The following ZIK1 variants were observed in gnomAD, a reference collection of about 807,000 sequenced individuals.
ZIK1 encodes zinc finger protein interacting with ribonucleoprotein K.
Under a neutral mutation model 10.7 loss-of-function variants are expected in ZIK1, and 12 were observed. The observed-to-expected ratio is 1.12, with a 90% confidence interval of 0.72 to 1.81. The LOEUF is 1.81. Among genes scored for constraint, ZIK1 ranks in the 40% most tolerant of loss-of-function variants. ZIK1 has a pLI of 0.00. For synonymous variants in ZIK1, 190 were observed against 205.0 expected (o/e 0.93, Z 0.63); for missense variants, 497 against 585.7 (o/e 0.85, Z 1.56).
At chr19:57,586,870 C>T (rs1277914629) in intron 2 of ZIK1, among the ~76,000 whole-genome samples, 4 of 152,198 alleles carry the variant, frequency 2.6e-5, no homozygotes, top group Non-Finnish European at 4.4e-5. Context: ...ATCTTTACAG[C>T]ACAGCCCCAC....
At position 57,591,517 on chromosome 19, in the gene ZIK1, A is replaced by T; in HGVS notation, c.*242A>T. The T allele has an allele frequency of 1.9e-6, 1 of 522,992 alleles. No individual in the cohort carries two copies. The highest frequency in any genetic ancestry group is 3.4e-6 in the Non-Finnish European group (1 of 295,964). 32.4% of individuals were successfully genotyped at this position (522,992 alleles called of 1,614,324 possible). On this transcript the variant is annotated 3_prime_UTR_variant, in exon 4 of 4. Transcript: ENST00000597850. ...CCACCTTGCACAGTGGGCACTGGTC[A>T]CTCCTATGTGCTAAGACAAGGCAGA...
intron 2 of ZIK1, among the ~76,000 whole-genome samples, chr19:57,586,713 C>T (rs73060457): frequency 0.12 from 18,106 of 152,128 alleles, 1,280 homozygotes; most frequent in East Asian, 0.2. Context: ...TCTGGTGTAT[C>T]AGTCCATTTT....
At chr19:57,586,495 G>A (rs1180943541) in intron 2 of ZIK1, among the ~76,000 whole-genome samples, 1 of 152,066 alleles carries the variant, frequency 6.6e-6, no homozygotes, top group Non-Finnish European at 1.5e-5. Flanking sequence ...CCCAGGAGGC[G>A]GAGGTTGCAG....
intron 2 of ZIK1, among the ~76,000 whole-genome samples, chr19:57,586,338 G>A (rs1176036432): frequency 6.6e-6 from 1 of 152,010 alleles, no homozygotes; most frequent in Non-Finnish European, 1.5e-5. Flanking sequence ...CGAGGCAGGC[G>A]GATCACTTGA....
rs1375023985 is a variant in ZIK1 at position 57,584,978 on chromosome 19, G to A, written c.60G>A (p.Met20Ile). 1.9e-6 allele frequency: 3 copies of A among 1,613,862 alleles called. No homozygotes were observed. The highest frequency in any genetic ancestry group is 1.3e-5 in the African/African-American group (1 of 75,038). The change falls in exon 2 of 4, where the codon ATG becomes ATA. Residue 20 changes from methionine (M) to isoleucine (I), a missense_variant. By Grantham distance (10) the Met-to-Ile change is conservative. Transcript: ENST00000597850. ...TTACTGTGTCTCCAGAAACACATAT[G>A]GACCTCACAAAGGTGAGTGGAGGGT... ...TQVTVSPETHMDLTKGCVTFE... is the reference protein window; with the variant it reads ...TQVTVSPETHIDLTKGCVTFE...
intron 1 of ZIK1, chr19:57,584,638 G>A: frequency 1.4e-6 from 2 of 1,383,962 alleles, no homozygotes; most frequent in Non-Finnish European, 1.9e-6. Context: ...TCAATTCTTA[G>A]GATGCTAGGA....
rs377243510 is a variant in ZIK1, at chr19:57,591,327, A to G, written c.*52A>G. On this transcript the variant is annotated 3_prime_UTR_variant, in exon 4 of 4. Transcript: ENST00000597850. Reference sequence around the variant, plus strand: ...AAGCGCCTTCAACTCAAGATCTATCATCATTTAGCTCCTGAAAGTCCACAC... The same window carrying G: ...AAGCGCCTTCAACTCAAGATCTATCGTCATTTAGCTCCTGAAAGTCCACAC... The G allele has an allele frequency of 5.2e-6, 8 of 1,524,598 alleles. No individual in the cohort carries two copies. The highest frequency in any genetic ancestry group is 2.8e-5 in the African/African-American group (2 of 72,108). 94.4% of individuals were successfully genotyped at this position (1,524,598 alleles called of 1,614,324 possible).
At chr19:57,587,716 GT>G (rs1979290511) in intron 2 of ZIK1, among the ~76,000 whole-genome samples, 2 of 152,180 alleles carry the variant, frequency 1.3e-5, no homozygotes, top group South Asian at 4.1e-4. Context: ...ACTAGGACTA[GT>G]GCTTATTCAC....
At position 57,588,705 on chromosome 19, in the gene ZIK1, A is replaced by G. The variant is rs202174900; in HGVS notation, c.199+40A>G. 1,454 of 1,413,040 alleles carry G rather than the reference A, an allele frequency of 1.0e-3. 16 individuals are homozygous for G. In the South Asian group the frequency reaches 0.015, roughly 14 times the overall value. The allele number at this position is 1,413,040 out of a possible 1,614,324, so 87.5% of individuals were successfully genotyped here. ...CCAACTCCAGTGTCCTGGTCTGTCT[A>G]TGGTCTTTTGCTGACTTCTCCACTT... is the stretch of plus-strand genomic sequence containing the variant. On this transcript the variant is annotated intron_variant, in intron 3 of 3. Coordinates refer to ENST00000597850, the MANE Select transcript of ZIK1 (RefSeq NM_001010879.4).
Position 57,584,218 on chromosome 19 carries a change from G to T in ZIK1, c.-139G>T. Reference sequence around the variant, plus strand: ...TTTGGGAGCGCTTTGTTTGGCGACAGTCGGAAGGCGCGAGGGGAGGGGTCC... The same window carrying T: ...TTTGGGAGCGCTTTGTTTGGCGACATTCGGAAGGCGCGAGGGGAGGGGTCC... On this transcript the variant is annotated 5_prime_UTR_variant, in exon 1 of 4. Coordinates refer to ENST00000597850, the MANE Select transcript of ZIK1 (RefSeq NM_001010879.4). The T allele has an allele frequency of 1.4e-6, 2 of 1,429,128 alleles. No individual in the cohort carries two copies. The highest frequency in any genetic ancestry group is 1.4e-5 in the South Asian group (1 of 70,516). The allele number at this position is 1,429,128 out of a possible 1,614,324, so 88.5% of individuals were successfully genotyped here. A position where few individuals can be genotyped will look rare whatever the true frequency, so the allele number is the denominator to read the frequency against.
intron 3 of ZIK1, chr19:57,589,790 C>T: frequency 1.3e-6 from 1 of 777,728 alleles, no homozygotes; most frequent in Non-Finnish European, 1.6e-6. Flanking sequence ...ATGCCATTCC[C>T]TGTCCTTCAT....
At chr19:57,585,046 TC>T in intron 2 of ZIK1, 56 bp downstream of exon 2, 1 of 1,558,120 alleles carries the variant, frequency 6.4e-7, no homozygotes, top group South Asian at 1.2e-5. Context: ...TGGGGTTTTT[TC>T]ATGGATCTTT....
intron 1 of ZIK1, chr19:57,584,698 T>C (rs933236950): frequency 1.5e-6 from 2 of 1,293,728 alleles, no homozygotes; most frequent in Admixed American, 3.3e-5. Flanking sequence ...GTTAGGTCTT[T>C]CGAAGTTTTC....
At chr19:57,588,071 G>C (rs1159182512) in intron 2 of ZIK1, among the ~76,000 whole-genome samples, 2 of 152,182 alleles carry the variant, frequency 1.3e-5, no homozygotes, top group Non-Finnish European at 2.9e-5. Context: ...GTCTATGACA[G>C]TAGGAACCAT....
chr19:57,588,218 G>A (rs1482950339), intron 2 of ZIK1, among the ~76,000 whole-genome samples: 1 of 152,138 alleles, frequency 6.6e-6, no homozygotes, highest in Non-Finnish European at 1.5e-5. Flanking sequence ...GAAGGACCCA[G>A]GCCCCTGGCA....
chr19:57,585,284 G>T (rs138797379), intron 2 of ZIK1, among the ~76,000 whole-genome samples: 3 of 152,344 alleles, frequency 2.0e-5, no homozygotes, highest in Non-Finnish European at 4.4e-5. Context: ...ACTCAGAGCA[G>T]CAGGGCAGGA....
At chr19:57,585,110 A>G in intron 2 of ZIK1, 120 bp downstream of exon 2, 1 of 871,210 alleles carries the variant, frequency 1.1e-6, no homozygotes, top group Admixed American at 3.0e-5. Flanking sequence ...TGGAAGCTTG[A>G]CATCCTGATT....
intron 3 of ZIK1, 109 bp downstream of exon 3, chr19:57,588,774 A>T (rs1487384095): frequency 4.1e-6 from 5 of 1,221,418 alleles, no homozygotes; most frequent in Middle Eastern, 2.1e-4. Context: ...GCACTGCCTG[A>T]GTAGCCCTAA....
In ZIK1 at chr19:57,592,382, C is replaced by G. The variant is rs1979778636; in HGVS notation, c.*1107C>G. 1 of 152,164 alleles carries G rather than the reference C, an allele frequency of 6.6e-6. No individual in the cohort carries two copies. 9.4% of individuals were successfully genotyped at this position (152,164 alleles called of 1,614,324 possible). On this transcript the variant is annotated 3_prime_UTR_variant, in exon 4 of 4. Coordinates refer to ENST00000597850, the MANE Select transcript of ZIK1 (RefSeq NM_001010879.4). Reference sequence around the variant, plus strand: ...TTTACAAATCTTCCCGTGACTGTGGCTTTGAGCAGTCATAGGACCTAGAAA... The same window carrying G: ...TTTACAAATCTTCCCGTGACTGTGGGTTTGAGCAGTCATAGGACCTAGAAA...
Sources: allele counts gnomAD v4.1 joint callset (sites outside exome capture counted in the v4.1 genomes callset), GRCh38; gene constraint gnomAD v4.1.1; transcripts MANE v1.5; gene names NCBI Gene and HGNC (gene_info 2026-07-23, HGNC 2026-07-21).